TFEB: variants seen among roughly 807,000 people sequenced by gnomAD.
TFEB encodes transcription factor EB.
TFEB carries 12 observed loss-of-function variants against 48.0 expected under a neutral mutation model. The ratio of observed to expected loss-of-function variants is 0.25; its 90% CI spans 0.16 to 0.40. TFEB has a LOEUF of 0.40. TFEB is among the 10% of genes least tolerant of loss of function. The pLI is 1.00. For synonymous variants in TFEB, 244 were observed against 261.4 expected, an observed-to-expected ratio of 0.93 and a Z score of 0.64; for missense variants, 509 against 640.3, an observed-to-expected ratio of 0.79 and a Z score of 2.21.
rs1311817329 is a variant in TFEB, at chr6:41,684,629, G to A, written c.1401C>T (p.Ser467=). 1 of 1,603,618 alleles carries A rather than the reference G, an allele frequency of 6.2e-7. No homozygotes were observed. Among genetic ancestry groups the A allele is most frequent in the Admixed American group, 1.7e-5 (1 of 59,030 alleles). ...EASKASSRRS[S]FSMEEGDVL is the part of the protein sequence containing the mutation. The stretch of plus-strand genomic sequence containing the variant: ...GCACATCGCCCTCCTCCATGCTGAA[G>A]CTGCTCCGGCGGCTGCTGGCCTTGG... Residue 467 remains serine, a synonymous_variant, in exon 9 of 9, where the codon AGC becomes AGT. Coordinates refer to ENST00000373033, the MANE Select transcript of TFEB (RefSeq NM_001271944.2).
At chr6:41,715,534 G>A (rs778942734) in intron 1 of TFEB, among the ~76,000 whole-genome samples, 31 of 152,156 alleles carry the variant, frequency 2.0e-4, no homozygotes, top group Non-Finnish European at 3.4e-4. Flanking sequence ...GCCGGGTGTG[G>A]TGGCGGATGC....
chr6:41,730,158 T>C lies in TFEB; in HGVS notation c.-23+5192A>G, dbSNP rs1771392850. On this transcript the variant is annotated intron_variant, in intron 1 of 8. Coordinates refer to ENST00000373033, the MANE Select transcript of TFEB (RefSeq NM_001271944.2). The surrounding 1 kb of genome is among the most constrained non-coding windows in gnomAD (Gnocchi z 4.1). ...AATTAAATAAAGATGCCTAGGCCCC[T>C]CCCCAAGAGATTCAGATGCAATGGT... Among the ~76,000 whole-genome samples the C allele has an allele frequency of 6.6e-6, 1 of 151,628 alleles. No homozygotes were observed. Among genetic ancestry groups the C allele is most frequent in the Non-Finnish European group, 1.5e-5 (1 of 67,942 alleles).
At chr6:41,692,290 G>A (rs1259964534) in intron 1 of TFEB, among the ~76,000 whole-genome samples, 2 of 152,246 alleles carry the variant, frequency 1.3e-5, no homozygotes, top group African/African-American at 2.4e-5. Flanking sequence ...CTCAGGACCT[G>A]GGACATGGCA....
At chr6:41,701,137 A>G (rs1031510853) in intron 1 of TFEB, among the ~76,000 whole-genome samples, 9 of 152,198 alleles carry the variant, frequency 5.9e-5, no homozygotes, top group African/African-American at 2.2e-4. Context: ...TCTCACACAC[A>G]TGCACGCACA....
intron 1 of TFEB, among the ~76,000 whole-genome samples, chr6:41,694,088 G>C (rs1171015626): frequency 6.6e-6 from 1 of 152,210 alleles, no homozygotes; most frequent in Admixed American, 6.5e-5. Context: ...GGCACAGGGA[G>C]GGCTAGGGGA....
intron 1 of TFEB, among the ~76,000 whole-genome samples, chr6:41,729,914 G>T (rs1395293485): frequency 6.6e-6 from 1 of 152,238 alleles, no homozygotes; most frequent in Non-Finnish European, 1.5e-5. Context: ...GGACCCGAAG[G>T]CAGTGGTTTT....
chr6:41,707,753 G>C (rs771307641), intron 1 of TFEB, among the ~76,000 whole-genome samples: 17 of 151,986 alleles, frequency 1.1e-4, no homozygotes, highest in Non-Finnish European at 2.5e-4. Flanking sequence ...GTATGCCACC[G>C]CACGAAATTA....
intron 1 of TFEB, among the ~76,000 whole-genome samples, chr6:41,707,869 C>T (rs143397814): frequency 5.2e-4 from 79 of 152,328 alleles, no homozygotes; most frequent in African/African-American, 1.5e-3. Context: ...AGCCACGTGG[C>T]GGCCATGGGG....
chr6:41,686,553 C>G (rs1359343210), intron 7 of TFEB: 4 of 273,792 alleles, frequency 1.5e-5, no homozygotes, highest in Non-Finnish European at 2.8e-5. Context: ...TTCTGTTGCC[C>G]AGGCTGGAAT....
intron 1 of TFEB, among the ~76,000 whole-genome samples, chr6:41,707,741 A>G (rs2127241464): frequency 6.6e-6 from 1 of 152,334 alleles, no homozygotes; most frequent in East Asian, 1.9e-4. Flanking sequence ...CAGGGCAAAC[A>G]GGTATGCCAC....
In TFEB at chr6:41,691,397, G is replaced by A. The variant is rs763416955; in HGVS notation, c.-22-162C>T. ...ATTTGCCCAAGGTCACTGAGCAAGCGGGTGACAGCTGAGACATGAATCCAA... is the reference window on the plus strand; with the variant it reads ...ATTTGCCCAAGGTCACTGAGCAAGCAGGTGACAGCTGAGACATGAATCCAA... On this transcript the variant is annotated intron_variant, in intron 1 of 8. Transcript: ENST00000373033. This position sits in a 1 kb window ranked among gnomAD's most constrained non-coding sequence, Gnocchi z 5.2. 5 of 781,688 alleles carry A rather than the reference G, an allele frequency of 6.4e-6. No homozygotes were observed. The highest frequency in any genetic ancestry group is 2.7e-5 in the East Asian group (1 of 37,550). 48.4% of individuals were successfully genotyped at this position (781,688 alleles called of 1,614,324 possible).
intron 4 of TFEB, 41 bp downstream of exon 4, chr6:41,689,690 C>T (rs1463924723): frequency 1.5e-5 from 23 of 1,556,614 alleles, no homozygotes; most frequent in Non-Finnish European, 1.7e-5. Flanking sequence ...GCCCCCCTCC[C>T]TAGAACCCTT....
rs1006665071 is a variant in TFEB at position 41,730,688 on chromosome 6, A to G, written c.-23+4662T>C. The stretch of plus-strand genomic sequence containing the variant: ...CATGATAAGTCCCAGATCCTACCCT[A>G]TCACTGCGATTTTATCTCTGTCCCC... On this transcript the variant is annotated intron_variant, in intron 1 of 8. Coordinates refer to ENST00000373033, the MANE Select transcript of TFEB (RefSeq NM_001271944.2). This position sits in a 1 kb window ranked among gnomAD's most constrained non-coding sequence, Gnocchi z 4.1. Among the ~76,000 whole-genome samples, 1 of 152,182 alleles carries G rather than the reference A, an allele frequency of 6.6e-6. No homozygotes were observed. The highest frequency in any genetic ancestry group is 6.5e-5 in the Admixed American group (1 of 15,284).
chr6:41,696,570 T>G (rs1189797481), intron 1 of TFEB, among the ~76,000 whole-genome samples: 3 of 152,088 alleles, frequency 2.0e-5, no homozygotes, highest in African/African-American at 7.2e-5. Flanking sequence ...GGTGTGCACC[T>G]GTAGTCCCAG....
At chr6:41,686,399 C>A in intron 7 of TFEB, 162 bp from the exon 8 acceptor site, 1 of 818,884 alleles carries the variant, frequency 1.2e-6, no homozygotes, top group Non-Finnish European at 1.9e-6. Context: ...CAGAATGGGC[C>A]CTCCTGGTGA....
Position 41,691,279 on chromosome 6 carries a change from C to T in TFEB, c.-22-44G>A. ...AGCAGGTATATGAGGCACGTGTCCT[C>T]CTCAAAGCACAGGGGCTGGCAGGGG... On this transcript the variant is annotated intron_variant, in intron 1 of 8. Coordinates refer to ENST00000373033, the MANE Select transcript of TFEB (RefSeq NM_001271944.2). The surrounding 1 kb of genome is among the most constrained non-coding windows in gnomAD (Gnocchi z 5.2). 8.4e-6 allele frequency: 13 copies of T among 1,540,054 alleles called. No individual in the cohort carries two copies. The highest frequency in any genetic ancestry group is 9.7e-6 in the Non-Finnish European group (11 of 1,136,944).
chr6:41,714,230 C>T (rs13218016), intron 1 of TFEB, among the ~76,000 whole-genome samples: 15,397 of 152,010 alleles, frequency 0.1, 1,054 homozygotes, highest in Admixed American at 0.19. Flanking sequence ...TGTGTGTGTG[C>T]GTGTGTGTAT....
At chr6:41,709,018 T>C (rs1052421286) in intron 1 of TFEB, among the ~76,000 whole-genome samples, 1 of 152,188 alleles carries the variant, frequency 6.6e-6, no homozygotes, top group Admixed American at 6.5e-5. Context: ...CCGGGGGTAG[T>C]GATGGCAACA....
intron 1 of TFEB, among the ~76,000 whole-genome samples, chr6:41,699,415 C>G (rs1451720887): frequency 2.0e-5 from 3 of 152,242 alleles, no homozygotes; most frequent in African/African-American, 7.2e-5. Context: ...GCAGAGCAGC[C>G]TAGTGGTAAC....
Sources: gnomAD v4.1 joint callset for allele counts (sites outside exome capture counted in the v4.1 genomes callset) on GRCh38, gnomAD v4.1.1 for gene constraint, Gnocchi (gnomAD v3.1) non-coding constraint, MANE v1.5 for transcripts, NCBI Gene and HGNC (gene_info 2026-07-23, HGNC 2026-07-21) for gene names.